FGF12: variants seen among roughly 807,000 people sequenced by gnomAD.
FGF12 encodes fibroblast growth factor 12.
In FGF12, 14 loss-of-function variants were observed where a neutral mutation model predicts 23.6. That is an observed-to-expected ratio of 0.59 (90% confidence interval 0.39 to 0.93). The LOEUF (loss-of-function observed/expected upper bound fraction) is 0.93. Ranked by LOEUF, FGF12 falls within the 40% of genes least tolerant of loss-of-function variation. The pLI is 0.00. For synonymous variants in FGF12, 62 were observed against 77.3 expected (o/e 0.80, Z 1.04); for missense variants, 175 against 217.8 (o/e 0.80, Z 1.24).
intron 4 of FGF12, among the ~76,000 whole-genome samples, chr3:192,250,359 A>G (rs1711925865): frequency 1.3e-5 from 2 of 152,320 alleles, no homozygotes; most frequent in East Asian, 1.9e-4. Context: ...TGAGTTGTGC[A>G]TAAGTTATGG....
intron 1 of FGF12, 22 bp downstream of exon 1, chr3:192,727,462 A>ATTTTTTTTT: frequency 1.8e-6 from 1 of 561,466 alleles, no homozygotes; most frequent in Non-Finnish European, 2.9e-6. Context: ...GCCCGCTCAG[A>ATTTTTTTTT]TTTTTTTTTT....
At chr3:192,227,373 C>A (rs1303464575) in intron 4 of FGF12, among the ~76,000 whole-genome samples, 1 of 151,984 alleles carries the variant, frequency 6.6e-6, no homozygotes, top group Non-Finnish European at 1.5e-5. Context: ...ATGAGATATC[C>A]TTTCCTTTGC....
chr3:192,677,320 A>T (rs1460088409), intron 2 of FGF12, among the ~76,000 whole-genome samples: 1 of 152,228 alleles, frequency 6.6e-6, no homozygotes, highest in Non-Finnish European at 1.5e-5. Flanking sequence ...AGATGACCGT[A>T]GCCTTCCCCC....
At chr3:192,227,413 C>G (rs571619912) in intron 4 of FGF12, among the ~76,000 whole-genome samples, 31 of 151,922 alleles carry the variant, frequency 2.0e-4, no homozygotes, top group African/African-American at 7.0e-4. Context: ...CAATCTTTTT[C>G]CAGAAGTAGA....
chr3:192,260,061 G>A (rs1044809781), intron 4 of FGF12, among the ~76,000 whole-genome samples: 1 of 151,986 alleles, frequency 6.6e-6, no homozygotes, highest in Non-Finnish European at 1.5e-5. Context: ...TTCCCCAACC[G>A]GATCTTCTGT....
At chr3:192,223,030 T>C (rs550258156) in intron 4 of FGF12, among the ~76,000 whole-genome samples, 35 of 152,320 alleles carry the variant, frequency 2.3e-4, no homozygotes, top group African/African-American at 7.2e-4. Flanking sequence ...CAAGGTTAGA[T>C]ATAACTTAGT....
intron 2 of FGF12, among the ~76,000 whole-genome samples, chr3:192,599,929 G>T (rs1188285598): frequency 6.6e-6 from 1 of 151,972 alleles, no homozygotes; most frequent in Admixed American, 6.6e-5. Context: ...TTTGTTACCT[G>T]GATTTTGAGG....
intron 2 of FGF12, among the ~76,000 whole-genome samples, chr3:192,384,005 A>G (rs1719935190): frequency 6.6e-6 from 1 of 152,196 alleles, no homozygotes; most frequent in Admixed American, 6.5e-5. Context: ...TAAACTGCTT[A>G]AAGAGACTAA....
Position 192,409,120 on chromosome 3 carries a change from C to A in FGF12, c.14-48582G>T. On this transcript the variant is annotated intron_variant, in intron 2 of 5. Transcript: ENST00000445105. This position sits in a 1 kb window ranked among gnomAD's most constrained non-coding sequence, Gnocchi z 4.8. ...GAGGGAGATCCTCGAGGGCCAAGCACCCCTCGGGGAGAAACCAGCGAGAGG... is the reference window on the plus strand; with the variant it reads ...GAGGGAGATCCTCGAGGGCCAAGCAACCCTCGGGGAGAAACCAGCGAGAGG... 2.7e-6 allele frequency: 1 copy of A among 368,266 alleles called. No homozygotes were observed. Among genetic ancestry groups the A allele is most frequent in the Non-Finnish European group, 3.8e-6 (1 of 265,688 alleles). 22.8% of individuals were successfully genotyped at this position (368,266 alleles called of 1,614,324 possible).
chr3:192,677,557 T>A (rs1371384172), intron 2 of FGF12, among the ~76,000 whole-genome samples: 1 of 152,204 alleles, frequency 6.6e-6, no homozygotes, highest in Admixed American at 6.5e-5. Flanking sequence ...TTTTTCTTCT[T>A]CTAACAGAAA....
chr3:192,190,468 C>CTTTTTTTTTTTTTT, intron 4 of FGF12, among the ~76,000 whole-genome samples: 1 of 89,136 alleles, frequency 1.1e-5, no homozygotes, highest in African/African-American at 4.4e-5. Flanking sequence ...GCCCAATACT[C>CTTTTTTTTTTTTTT]TTTTTTTTTT....
chr3:192,656,479 G>A lies in FGF12; in HGVS notation c.13+70702C>T, dbSNP rs575648298. 1.6e-4 allele frequency among the ~76,000 whole-genome samples: 24 copies of A among 152,208 alleles called. 1 individual carries two copies. Among genetic ancestry groups the A allele is most frequent in the Middle Eastern group, 6.8e-3 (2 of 294 alleles). On this transcript the variant is annotated intron_variant, in intron 2 of 5. Coordinates refer to ENST00000445105, the MANE Select transcript of FGF12 (RefSeq NM_004113.6). ...TTCTCTAGTGCAGTGGTTCTCAGCC[G>A]GGGTGATCTGGCCCCCAGGGACATT...
In FGF12 at chr3:192,727,226, G is replaced by A; in HGVS notation, c.-33C>T. ...CCTTTCGAGTGCTGGGAAGTTCAAT[G>A]GAAGTTGGCCGGAAGATGTGGGCCC... On this transcript the variant is annotated 5_prime_UTR_variant, in exon 2 of 6. Coordinates refer to ENST00000445105, the MANE Select transcript of FGF12 (RefSeq NM_004113.6). 1.9e-6 allele frequency: 3 copies of A among 1,573,912 alleles called. No homozygotes were observed. Among genetic ancestry groups the A allele is most frequent in the Non-Finnish European group, 2.6e-6 (3 of 1,159,450 alleles).
intron 2 of FGF12, among the ~76,000 whole-genome samples, chr3:192,602,848 G>T (rs1714171786): frequency 6.6e-6 from 1 of 152,008 alleles, no homozygotes; most frequent in Non-Finnish European, 1.5e-5. Flanking sequence ...CTATGATCAA[G>T]TAAGCTTCTT....
intron 4 of FGF12, among the ~76,000 whole-genome samples, chr3:192,214,423 G>A (rs1173225427): frequency 2.6e-5 from 4 of 152,214 alleles, no homozygotes; most frequent in African/African-American, 9.7e-5. Flanking sequence ...TCTCCTGGGG[G>A]AGGTAATGGT....
At chr3:192,515,834 C>CTTTTTTT (rs10681949) in intron 2 of FGF12, among the ~76,000 whole-genome samples, 2 of 147,660 alleles carry the variant, frequency 1.4e-5, no homozygotes, top group Non-Finnish European at 3.0e-5. Context: ...CCCCTTGACT[C>CTTTTTTT]TTTTTTTTTT....
chr3:192,242,794 T>C (rs1719690247), intron 4 of FGF12, among the ~76,000 whole-genome samples: 1 of 151,920 alleles, frequency 6.6e-6, no homozygotes, highest in Non-Finnish European at 1.5e-5. Context: ...TAAAAGAAAA[T>C]AACCTTAGAA....
chr3:192,417,121 A>C (rs959024067), intron 2 of FGF12, among the ~76,000 whole-genome samples: 2 of 152,086 alleles, frequency 1.3e-5, no homozygotes, highest in African/African-American at 4.8e-5. Context: ...ATTTAAAAGT[A>C]GGCTGGAAAT....
At chr3:192,515,824 C>A (rs1457326430) in intron 2 of FGF12, among the ~76,000 whole-genome samples, 1 of 118,522 alleles carries the variant, frequency 8.4e-6, no homozygotes, top group Non-Finnish European at 1.8e-5. Context: ...TCCCAGCAGC[C>A]CCCTTGACTC....
Sources: allele counts gnomAD v4.1 joint callset (sites outside exome capture counted in the v4.1 genomes callset), GRCh38; gene constraint gnomAD v4.1.1; non-coding constraint Gnocchi (gnomAD v3.1); transcripts MANE v1.5; gene names NCBI Gene and HGNC (gene_info 2026-07-23, HGNC 2026-07-21).